The following SLC24A2 variants were observed in gnomAD, a reference collection of about 807,000 sequenced individuals.
SLC24A2 encodes solute carrier family 24 member 2, also known as sodium/potassium/calcium exchanger 2.
Under a neutral mutation model 62.0 loss-of-function variants are expected in SLC24A2, and 36 were observed. The observed-to-expected ratio is 0.58, with a 90% CI of 0.44 to 0.77. The LOEUF (loss-of-function observed/expected upper bound fraction) is 0.77, where lower values mean the gene tolerates loss of function less well. Among genes scored for constraint, SLC24A2 ranks in the 30% least tolerant of loss-of-function variants. The probability of loss-of-function intolerance (pLI) is 0.00; values close to 1 mark genes in which losing one functional copy is unlikely to be tolerated. For synonymous variants in SLC24A2, 358 were observed against 294.0 expected, an observed-to-expected ratio of 1.22 and a Z score of -2.23; for missense variants, 846 against 817.9, an observed-to-expected ratio of 1.03 and a Z score of -0.42.
At chr9:19,838,040 C>A in the SLC24A2 span, among the ~76,000 whole-genome samples, 121,745 of 147,306 alleles carry the variant, frequency 0.83, 51,716 homozygotes, top group Middle Eastern at 0.94. Flanking sequence ...GCTACCAATG[C>A]CTTTCTTCAC....
At chr9:20,238,562 G>A in the SLC24A2 span, among the ~76,000 whole-genome samples, 1 of 152,104 alleles carries the variant, frequency 6.6e-6, no homozygotes, top group African/African-American at 2.4e-5. Context: ...GCTTTAAATG[G>A]GGCCTGGGGA....
At chr9:19,588,684 C>T (rs566614043) in intron 5 of SLC24A2, among the ~76,000 whole-genome samples, 12 of 152,214 alleles carry the variant, frequency 7.9e-5, no homozygotes, top group African/African-American at 2.4e-4. Context: ...TCTGAGGCCC[C>T]GCGTGGTGGC....
chr9:20,200,519 A>G, the SLC24A2 span, among the ~76,000 whole-genome samples: 3 of 152,268 alleles, frequency 2.0e-5, no homozygotes, highest in Non-Finnish European at 2.9e-5. Flanking sequence ...AACTCCGTGT[A>G]ACGGAAAGGG....
At chr9:20,088,594 C>T in the SLC24A2 span, among the ~76,000 whole-genome samples, 2 of 152,222 alleles carry the variant, frequency 1.3e-5, no homozygotes, top group Non-Finnish European at 2.9e-5. Context: ...GGGCCACCAT[C>T]TTCGCTGTTT....
chr9:19,753,549 A>G (rs1211905704), intron 2 of SLC24A2, among the ~76,000 whole-genome samples: 2 of 152,188 alleles, frequency 1.3e-5, no homozygotes, highest in Non-Finnish European at 2.9e-5. Flanking sequence ...TGTTGCATTC[A>G]TTTCTATTTT....
At chr9:19,636,375 CTT>C (rs879562977) in intron 2 of SLC24A2, among the ~76,000 whole-genome samples, 396 of 29,362 alleles carry the variant, frequency 0.013, 2 homozygotes, top group Non-Finnish European at 0.016. Context: ...TTCTTTCTTT[CTT>C]TCTTTCTTTC....
At chr9:19,642,711 C>A (rs1455126524) in intron 2 of SLC24A2, among the ~76,000 whole-genome samples, 1 of 128,902 alleles carries the variant, frequency 7.8e-6, no homozygotes, top group Non-Finnish European at 1.6e-5. Context: ...GACGGAGCCT[C>A]GCTCTTTCGC....
At chr9:19,964,725 G>T in the SLC24A2 span, among the ~76,000 whole-genome samples, 1 of 152,210 alleles carries the variant, frequency 6.6e-6, no homozygotes. Flanking sequence ...ATTTCTTAGT[G>T]CACAGGTGTG....
At chr9:19,875,338 A>G in the SLC24A2 span, among the ~76,000 whole-genome samples, 1 of 152,226 alleles carries the variant, frequency 6.6e-6, no homozygotes, top group African/African-American at 2.4e-5. Context: ...GAGGTGGATG[A>G]AGCCCTGACT....
At chr9:19,692,979 C>T (rs769515625) in intron 2 of SLC24A2, among the ~76,000 whole-genome samples, 3 of 152,146 alleles carry the variant, frequency 2.0e-5, no homozygotes, top group African/African-American at 7.2e-5. Context: ...TAACTTCTAA[C>T]AGGTTGTGTT....
At position 19,520,886 on chromosome 9, in the gene SLC24A2, C is replaced by T. The variant is rs746791662; in HGVS notation, c.1736+8G>A. ...GGTGCACACCTTTGTAGAACTACCTCTACTCACCCTACAGTGATGTCAAAA... is the reference window on the plus strand; with the variant it reads ...GGTGCACACCTTTGTAGAACTACCTTTACTCACCCTACAGTGATGTCAAAA... On this transcript the variant is annotated splice_region_variant and intron_variant, in intron 10 of 10. Coordinates refer to ENST00000341998, the MANE Select transcript of SLC24A2 (RefSeq NM_020344.4). 1.9e-6 allele frequency: 3 copies of T among 1,613,480 alleles called. No individual in the cohort carries two copies. Among genetic ancestry groups the T allele is most frequent in the Admixed American group, 3.3e-5 (2 of 59,988 alleles).
rs1390433234 is a variant in SLC24A2, at chr9:19,573,529, C to CACACACAGAG, written c.1229-61_1229-60insCTCTGTGTGT. 34 of 432,596 alleles carry CACACACAGAG rather than the reference C, an allele frequency of 7.9e-5. No individual in the cohort carries two copies. The East Asian group carries it at 1.2e-3, about 16-fold the overall frequency. 26.8% of individuals were successfully genotyped at this position (432,596 alleles called of 1,614,324 possible). A position where few individuals can be genotyped will look rare whatever the true frequency, so the allele number is the denominator to read the frequency against. ...ACACACACACACACACACACACACA[C>CACACACAGAG]AGAGAGAGAGAGAGAGAGAGAGAGA... On this transcript the variant is annotated intron_variant, in intron 6 of 10. Transcript: ENST00000341998.
chr9:20,107,676 C>T, the SLC24A2 span, among the ~76,000 whole-genome samples: 11 of 152,116 alleles, frequency 7.2e-5, no homozygotes, highest in Non-Finnish European at 1.3e-4. Flanking sequence ...CTTCCTTACA[C>T]CTTATACAAA....
chr9:20,261,807 TC>T, the SLC24A2 span, among the ~76,000 whole-genome samples: 1 of 133,210 alleles, frequency 7.5e-6, no homozygotes, highest in Non-Finnish European at 1.5e-5. Flanking sequence ...TGGCACGATC[TC>T]GGCTCACTGC....
chr9:20,024,671 T>C, the SLC24A2 span, among the ~76,000 whole-genome samples: 1 of 152,334 alleles, frequency 6.6e-6, no homozygotes, highest in East Asian at 1.9e-4. Flanking sequence ...AATACGTGTG[T>C]GTGTGTTCAC....
At position 19,515,295 on chromosome 9, in the gene SLC24A2, G is replaced by T. The variant is rs1468580606; in HGVS notation, c.*858C>A. 6.6e-6 allele frequency: 1 copy of T among 152,086 alleles called. No individual in the cohort carries two copies. Among genetic ancestry groups the T allele is most frequent in the Non-Finnish European group, 1.5e-5 (1 of 68,014 alleles). The allele number at this position is 152,086 out of a possible 1,614,324, so 9.4% of individuals were successfully genotyped here. A position where few individuals can be genotyped will look rare whatever the true frequency, so the allele number is the denominator to read the frequency against. ...TTACCTCCCCACTTCCCCAAACCAA[G>T]CCACCCAGCCTGGGTTTTTACCTCT... On this transcript the variant is annotated 3_prime_UTR_variant, in exon 11 of 11. Coordinates refer to ENST00000341998, the MANE Select transcript of SLC24A2 (RefSeq NM_020344.4).
the SLC24A2 span, among the ~76,000 whole-genome samples, chr9:20,132,442 T>C: frequency 6.6e-6 from 1 of 152,094 alleles, no homozygotes; most frequent in Non-Finnish European, 1.5e-5. Flanking sequence ...GATTGCTGGA[T>C]TTTTGCTTTT....
upstream of SLC24A2, among the ~76,000 whole-genome samples, chr9:19,790,842 G>A (rs1472025140): frequency 6.6e-6 from 1 of 152,100 alleles, no homozygotes; most frequent in Non-Finnish European, 1.5e-5. Flanking sequence ...CATGGGGTGC[G>A]GAGGGGAATA....
the SLC24A2 span, among the ~76,000 whole-genome samples, chr9:20,042,444 C>G: frequency 6.6e-6 from 1 of 152,170 alleles, no homozygotes; most frequent in Admixed American, 6.5e-5. Flanking sequence ...CTTGATTCTG[C>G]AATCCTAGAT....
Sources: allele counts gnomAD v4.1 joint callset (sites outside exome capture counted in the v4.1 genomes callset), GRCh38; gene constraint gnomAD v4.1.1; transcripts MANE v1.5; gene names NCBI Gene and HGNC (gene_info 2026-07-23, HGNC 2026-07-21).